The following PRKN variants were observed in gnomAD, a reference collection of about 807,000 sequenced individuals.
PRKN encodes the protein E3 ubiquitin-protein ligase parkin.
PRKN carries 56 observed loss-of-function variants against 59.5 expected under a neutral mutation model. The ratio of observed to expected loss-of-function variants is 0.94; its 90% confidence interval spans 0.76 to 1.18. The LOEUF is 1.18. Ranked by LOEUF, PRKN falls within the 50% of genes most tolerant of loss-of-function variation. The pLI is 0.00. For missense variants in PRKN, 657 were observed against 596.4 expected, an observed-to-expected ratio of 1.10 and a Z score of -1.06; for synonymous variants, 250 against 222.1, an observed-to-expected ratio of 1.13 and a Z score of -1.12.
At chr6:161,958,506 A>T (rs985653760) in intron 6 of PRKN, among the ~76,000 whole-genome samples, 12 of 152,128 alleles carry the variant, frequency 7.9e-5, no homozygotes, top group African/African-American at 2.7e-4. Flanking sequence ...TATTTGTAAA[A>T]AATAATAATA....
At chr6:161,752,510 A>G (rs1010395561) in intron 7 of PRKN, among the ~76,000 whole-genome samples, 2 of 152,092 alleles carry the variant, frequency 1.3e-5, no homozygotes, top group African/African-American at 2.4e-5. Flanking sequence ...CTGAGGCAAT[A>G]TGGGGAAACC....
chr6:162,497,126 C>G (rs931849817), intron 1 of PRKN, among the ~76,000 whole-genome samples: 7 of 152,202 alleles, frequency 4.6e-5, no homozygotes, highest in Non-Finnish European at 8.8e-5. Flanking sequence ...CATATATCAA[C>G]TCTTCAGCCA....
chr6:162,642,504 T>C (rs920851541), intron 1 of PRKN, among the ~76,000 whole-genome samples: 5 of 152,054 alleles, frequency 3.3e-5, no homozygotes, highest in Admixed American at 2.6e-4. Flanking sequence ...ATAATCACTG[T>C]TATAAAATCA....
intron 3 of PRKN, among the ~76,000 whole-genome samples, chr6:162,247,822 C>A (rs1401278082): frequency 6.6e-6 from 1 of 152,068 alleles, no homozygotes; most frequent in Non-Finnish European, 1.5e-5. Context: ...AGATTCCCTG[C>A]AATCATATTA....
chr6:162,021,661 C>T (rs1783206206), intron 5 of PRKN, among the ~76,000 whole-genome samples: 1 of 151,866 alleles, frequency 6.6e-6, no homozygotes, highest in Admixed American at 6.6e-5. Context: ...GATTTTGATT[C>T]CCTACTTCTG....
chr6:162,287,737 A>T (rs1781258908), intron 2 of PRKN, among the ~76,000 whole-genome samples: 1 of 152,212 alleles, frequency 6.6e-6, no homozygotes, highest in South Asian at 2.1e-4. Flanking sequence ...GGTTACATTG[A>T]TAACAAATAA....
At chr6:161,986,730 T>C (rs913314081) in intron 5 of PRKN, among the ~76,000 whole-genome samples, 12 of 151,986 alleles carry the variant, frequency 7.9e-5, no homozygotes, top group African/African-American at 2.7e-4. Flanking sequence ...GTTGAATCCA[T>C]TGTGCTGTTT....
intron 4 of PRKN, among the ~76,000 whole-genome samples, chr6:162,167,954 G>C (rs757076124): frequency 6.6e-6 from 1 of 151,938 alleles, no homozygotes; most frequent in Non-Finnish European, 1.5e-5. Context: ...TTCATTTTAG[G>C]CTCATTAAAT....
chr6:161,415,237 C>T (rs1228552855), intron 9 of PRKN, among the ~76,000 whole-genome samples: 1 of 152,162 alleles, frequency 6.6e-6, no homozygotes, highest in African/African-American at 2.4e-5. Flanking sequence ...ACCATTCATG[C>T]AGAGAGGCCT....
chr6:162,707,420 G>A (rs1377388801), intron 1 of PRKN, among the ~76,000 whole-genome samples: 2 of 152,100 alleles, frequency 1.3e-5, no homozygotes, highest in Non-Finnish European at 2.9e-5. Context: ...TCAGTCTACT[G>A]TATTTACCAT....
intron 7 of PRKN, among the ~76,000 whole-genome samples, chr6:161,676,607 G>T (rs1042365736): frequency 3.3e-5 from 5 of 152,180 alleles, no homozygotes; most frequent in Admixed American, 2.6e-4. Context: ...TGCTGCGACA[G>T]CGTGGTTGAG....
chr6:161,857,011 C>G (rs926663185), intron 6 of PRKN, among the ~76,000 whole-genome samples: 10 of 80,098 alleles, frequency 1.2e-4, no homozygotes, highest in African/African-American at 4.3e-4. Context: ...AGGTGGATCA[C>G]CTGAGGTCAG....
intron 9 of PRKN, among the ~76,000 whole-genome samples, chr6:161,505,145 T>C (rs1384272070): frequency 6.6e-6 from 1 of 152,166 alleles, no homozygotes; most frequent in African/African-American, 2.4e-5. Flanking sequence ...CCACCAACAG[T>C]GTAAAAGTGT....
chr6:162,095,725 C>A (rs189685007), intron 4 of PRKN, among the ~76,000 whole-genome samples: 18 of 152,070 alleles, frequency 1.2e-4, no homozygotes, highest in Non-Finnish European at 2.4e-4. Flanking sequence ...AGAAAGAATT[C>A]TGGTGCAGGA....
intron 2 of PRKN, among the ~76,000 whole-genome samples, chr6:162,279,689 C>T (rs913462881): frequency 2.6e-5 from 4 of 152,076 alleles, no homozygotes; most frequent in African/African-American, 7.2e-5. Flanking sequence ...CTATTAGGAC[C>T]GCTTGGTCTA....
At chr6:162,564,601 G>A (rs1779981914) in intron 1 of PRKN, among the ~76,000 whole-genome samples, 1 of 152,084 alleles carries the variant, frequency 6.6e-6, no homozygotes, top group Admixed American at 6.6e-5. Context: ...CCTAAAGGCA[G>A]CAAAAGGAAA....
At chr6:162,679,961 C>T (rs576226319) in intron 1 of PRKN, among the ~76,000 whole-genome samples, 1 of 152,270 alleles carries the variant, frequency 6.6e-6, no homozygotes, top group African/African-American at 2.4e-5. Flanking sequence ...AACTCCCTTG[C>T]TCATTGTTTG....
chr6:162,216,182 A>T (rs979151097), intron 3 of PRKN, among the ~76,000 whole-genome samples: 7 of 152,120 alleles, frequency 4.6e-5, no homozygotes, highest in Non-Finnish European at 7.4e-5. Flanking sequence ...CTTTCTAACT[A>T]GATTTTCCAA....
At position 161,549,089 on chromosome 6, in the gene PRKN, T is replaced by C; in HGVS notation, c.934-86A>G. Reference sequence around the variant, plus strand: ...TAGGAGCTACAGTGCATGGGATTTCTTGCTTAACCAGTTTCAGTAAAATAA... The same window carrying C: ...TAGGAGCTACAGTGCATGGGATTTCCTGCTTAACCAGTTTCAGTAAAATAA... On this transcript the variant is annotated intron_variant, in intron 8 of 11. Coordinates refer to ENST00000366898, the MANE Select transcript of PRKN (RefSeq NM_004562.3). This position sits in a 1 kb window ranked among gnomAD's most constrained non-coding sequence, Gnocchi z 6.0. The C allele has an allele frequency of 6.8e-7, 1 of 1,475,172 alleles. No individual in the cohort carries two copies. Among genetic ancestry groups the C allele is most frequent in the Non-Finnish European group, 9.5e-7 (1 of 1,056,798 alleles). The allele number at this position is 1,475,172 out of a possible 1,614,324, so 91.4% of individuals were successfully genotyped here.
Sources: allele counts gnomAD v4.1 joint callset (sites outside exome capture counted in the v4.1 genomes callset), GRCh38; gene constraint gnomAD v4.1.1; non-coding constraint Gnocchi (gnomAD v3.1); transcripts MANE v1.5; gene names NCBI Gene and HGNC (gene_info 2026-07-23, HGNC 2026-07-21).